Variants in CDH23 observed in about 807,000 individuals in gnomAD.
CDH23 encodes cadherin-23.
A neutral mutation model predicts 317.1 loss-of-function variants in CDH23; 189 were observed. The observed-to-expected ratio is 0.60, with a 90% CI of 0.53 to 0.67. The LOEUF is 0.67. Among genes scored for constraint, CDH23 ranks in the 30% least tolerant of loss-of-function variants. The probability of loss-of-function intolerance (pLI) is 0.00; values close to 1 mark genes in which losing one functional copy is unlikely to be tolerated. For synonymous variants in CDH23, 1,839 were observed against 1,876.8 expected (o/e 0.98, Z 0.52); for missense variants, 4,401 against 4,592.4 (o/e 0.96, Z 1.20).
chr10:71,486,534 C>T (rs1564610850), intron 3 of CDH23, among the ~76,000 whole-genome samples: 1 of 152,102 alleles, frequency 6.6e-6, no homozygotes, highest in African/African-American at 2.4e-5. Context: ...AGTAATGTGG[C>T]ATAAGGTGAC....
intron 1 of CDH23, among the ~76,000 whole-genome samples, chr10:71,420,686 T>C (rs1848771184): frequency 6.6e-6 from 1 of 152,002 alleles, no homozygotes; most frequent in South Asian, 2.1e-4. Context: ...ATTATGTTAT[T>C]TGATACTTAT....
At chr10:71,415,719 A>C (rs1255544296) in intron 1 of CDH23, among the ~76,000 whole-genome samples, 1 of 152,136 alleles carries the variant, frequency 6.6e-6, no homozygotes, top group African/African-American at 2.4e-5. Flanking sequence ...TGAGGTTCAA[A>C]GTGTTTTCTA....
chr10:71,632,230 G>A lies in CDH23; in HGVS notation c.1135-11631G>A, dbSNP rs544044032. 1.2e-4 allele frequency among the ~76,000 whole-genome samples: 18 copies of A among 152,282 alleles called. No homozygotes were observed. In the South Asian group the frequency reaches 3.7e-3, roughly 32 times the overall value. ...ACCAGCATGAGCAGCAGCACTGGTG[G>A]GCTTCTAGACTAAGATAGCCCCATC... On this transcript the variant is annotated intron_variant, in intron 11 of 69. Coordinates refer to ENST00000224721, the MANE Select transcript of CDH23 (RefSeq NM_022124.6).
At position 71,811,374 on chromosome 10, in the gene CDH23, A is replaced by G. The variant is rs1841918209; in HGVS notation, c.9137A>G (p.Asn3046Ser). 1.9e-6 allele frequency: 3 copies of G among 1,613,922 alleles called. No homozygotes were observed. Among genetic ancestry groups the G allele is most frequent in the Admixed American group, 1.7e-5 (1 of 60,018 alleles). The part of the protein sequence containing the change: ...EQLRNLFRNY[N>S]VLDVQPAISV... ...CTACGGAATCTTTTCCGGAACTACA[A>G]CGTCCTGGACGTGCAGCCTGCCATC... Residue 3046 changes from asparagine to serine, a missense_variant, in exon 63 of 70, where the codon AAC becomes AGC. By Grantham distance (46) the Asn-to-Ser change is conservative. This residue lies in a region of CDH23 where 1,144 missense variants were observed against 1,138.2 expected (regional missense o/e 1.01). Transcript: ENST00000224721.
chr10:71,526,927 G>A (rs147322292), intron 6 of CDH23, among the ~76,000 whole-genome samples: 7 of 152,302 alleles, frequency 4.6e-5, no homozygotes, highest in Admixed American at 3.9e-4. Context: ...ACCAAGGGCT[G>A]GGCTGCAGAG....
At position 71,484,148 on chromosome 10, in the gene CDH23, G is replaced by A. The variant is rs576674786; in HGVS notation, c.146-25934G>A. 1.2e-4 allele frequency among the ~76,000 whole-genome samples: 18 copies of A among 152,314 alleles called. No homozygotes were observed. In the East Asian group the frequency reaches 2.3e-3, roughly 20 times the overall value. On this transcript the variant is annotated intron_variant, in intron 3 of 69. Coordinates refer to ENST00000224721, the MANE Select transcript of CDH23 (RefSeq NM_022124.6). The stretch of plus-strand genomic sequence containing the variant: ...CCCCATTACTCACAGGTGGGAGGAC[G>A]CGAGAACAGTCGAGCCGCTCTTAAA...
intron 11 of CDH23, among the ~76,000 whole-genome samples, chr10:71,621,494 G>A (rs143731932): frequency 1.3e-5 from 2 of 152,292 alleles, no homozygotes; most frequent in Non-Finnish European, 2.9e-5. Context: ...AACGTTGATG[G>A]CACTCTGGAA....
At chr10:71,739,890 T>A in intron 36 of CDH23, 118 bp downstream of exon 36, 1 of 1,195,612 alleles carries the variant, frequency 8.4e-7, no homozygotes, top group Non-Finnish European at 1.1e-6. Context: ...GTGCCCCTGC[T>A]GTCACCAAGT....
At chr10:71,504,265 G>A (rs1276916706) in intron 3 of CDH23, among the ~76,000 whole-genome samples, 2 of 152,086 alleles carry the variant, frequency 1.3e-5, no homozygotes, top group African/African-American at 4.8e-5. Flanking sequence ...CTATGAATTG[G>A]ATTACTCTAG....
At chr10:71,727,768 TGGCACAGCACTGGACA>T (rs1173721793) in intron 30 of CDH23, among the ~76,000 whole-genome samples, 3 of 152,174 alleles carry the variant, frequency 2.0e-5, no homozygotes, top group African/African-American at 2.4e-5. Context: ...AGCACTGCAC[TGGCACAGCACTGGACA>T]GGCACAGCAC....
At position 71,695,415 on chromosome 10, in the gene CDH23, C is replaced by T. The variant is rs182365129; in HGVS notation, c.2290-3C>T. 161 of 1,603,750 alleles carry T rather than the reference C, an allele frequency of 1.0e-4. 4 individuals carry two copies. In the East Asian group the frequency reaches 3.5e-3, roughly 35 times the overall value. The stretch of plus-strand genomic sequence containing the variant: ...TCTCCCAGCGCCCCTTATGGCTTCA[C>T]AGGTAAACATCACCCTCCTGGACAT... On this transcript the variant is annotated splice_region_variant and splice_polypyrimidine_tract_variant and intron_variant, in intron 21 of 69. Transcript: ENST00000224721.
At chr10:71,470,843 A>G (rs1851472070) in intron 3 of CDH23, among the ~76,000 whole-genome samples, 1 of 152,048 alleles carries the variant, frequency 6.6e-6, no homozygotes, top group African/African-American at 2.4e-5. Context: ...TCTCATTGTC[A>G]TTTTATTTGC....
At chr10:71,583,358 G>A (rs1360254072) in intron 9 of CDH23, among the ~76,000 whole-genome samples, 1 of 152,038 alleles carries the variant, frequency 6.6e-6, no homozygotes, top group Non-Finnish European at 1.5e-5. Context: ...GAGCAGCAGG[G>A]GGCCACCTGG....
At chr10:71,453,838 C>T (rs565000980) in intron 3 of CDH23, among the ~76,000 whole-genome samples, 8 of 152,170 alleles carry the variant, frequency 5.3e-5, no homozygotes, top group Non-Finnish European at 1.0e-4. Context: ...CCAGTGGCTC[C>T]CGGACATCAG....
chr10:71,464,300 T>C (rs1282236800), intron 3 of CDH23, among the ~76,000 whole-genome samples: 1 of 152,200 alleles, frequency 6.6e-6, no homozygotes, highest in African/African-American at 2.4e-5. Flanking sequence ...ATCATGTAGA[T>C]ATTTATGTCC....
At chr10:71,611,695 C>T (rs1436690145) in intron 9 of CDH23, among the ~76,000 whole-genome samples, 2 of 152,182 alleles carry the variant, frequency 1.3e-5, no homozygotes, top group Non-Finnish European at 2.9e-5. Flanking sequence ...GATTTGAACC[C>T]GTGCTGTCTG....
chr10:71,418,864 T>G (rs1185275771), intron 1 of CDH23, among the ~76,000 whole-genome samples: 1 of 152,236 alleles, frequency 6.6e-6, no homozygotes, highest in Non-Finnish European at 1.5e-5. Flanking sequence ...CTCTTCTCTC[T>G]TAGTCTCAAT....
chr10:71,440,427 C>G (rs1461866699), intron 2 of CDH23, among the ~76,000 whole-genome samples: 1 of 151,408 alleles, frequency 6.6e-6, no homozygotes, highest in African/African-American at 2.4e-5. Flanking sequence ...GGATGTCCAT[C>G]GGAAGAAAAG....
chr10:71,725,581 C>G (rs1020221967), intron 30 of CDH23, 61 bp downstream of exon 30: 4 of 1,549,774 alleles, frequency 2.6e-6, no homozygotes, highest in Admixed American at 1.9e-5. Context: ...ACAGCTAGAA[C>G]AGAGAAGGCC....
Sources: gnomAD v4.1 joint callset for allele counts (sites outside exome capture counted in the v4.1 genomes callset) on GRCh38, gnomAD v4.1.1 for gene constraint, gnomAD v4.1.1 regional missense constraint, MANE v1.5 for transcripts, NCBI Gene and HGNC (gene_info 2026-07-23, HGNC 2026-07-21) for gene names.